The following LRBA variants were observed in gnomAD, a reference collection of about 807,000 sequenced individuals.
The protein encoded by LRBA is LPS responsive beige-like anchor protein.
In LRBA, 176 loss-of-function variants were observed where a neutral mutation model predicts 330.0. The ratio of observed to expected loss-of-function variants is 0.53; its 90% CI spans 0.47 to 0.60. The LOEUF (loss-of-function observed/expected upper bound fraction) is 0.60, where lower values mean the gene tolerates loss of function less well. Ranked by LOEUF, LRBA falls within the 20% of genes least tolerant of loss-of-function variation. The probability of loss-of-function intolerance (pLI) is 0.00; values close to 1 mark genes in which losing one functional copy is unlikely to be tolerated. For missense variants in LRBA, 3,259 were observed against 3,444.8 expected (o/e 0.95, Z 1.35); for synonymous variants, 1,230 against 1,193.0 (o/e 1.03, Z -0.64).
chr4:150,920,252 T>A (rs925614075), intron 5 of LRBA, among the ~76,000 whole-genome samples: 1 of 152,150 alleles, frequency 6.6e-6, no homozygotes, highest in Non-Finnish European at 1.5e-5. Flanking sequence ...ATATCTTTTT[T>A]AAAAGTTTGT....
intron 53 of LRBA, among the ~76,000 whole-genome samples, chr4:150,287,168 ATCT>A (rs1396797466): frequency 1.3e-5 from 2 of 152,280 alleles, no homozygotes; most frequent in African/African-American, 4.8e-5. Context: ...AATCGCTTGT[ATCT>A]TAACCCCAGA....
intron 53 of LRBA, among the ~76,000 whole-genome samples, chr4:150,292,846 T>A (rs1051379669): frequency 6.6e-6 from 1 of 152,262 alleles, no homozygotes; most frequent in South Asian, 2.1e-4. Flanking sequence ...CTGAAGTCCA[T>A]ACCACTTGTA....
chr4:150,584,160 C>T lies in LRBA; in HGVS notation c.6330+3888G>A. Reference sequence around the variant, plus strand: ...ACACAAACGGGCGTGCTCTCTCAGACACACAACTCTGCTATAAACAGCAGA... The same window carrying T: ...ACACAAACGGGCGTGCTCTCTCAGATACACAACTCTGCTATAAACAGCAGA... On this transcript the variant is annotated intron_variant, in intron 40 of 56. Coordinates refer to ENST00000651943, the MANE Select transcript of LRBA (RefSeq NM_001364905.1). 2 of 1,491,782 alleles carry T rather than the reference C, an allele frequency of 1.3e-6. 1 individual carries two copies. Among genetic ancestry groups the T allele is most frequent in the South Asian group, 2.9e-5 (2 of 68,476 alleles). The allele number at this position is 1,491,782 out of a possible 1,614,324, so 92.4% of individuals were successfully genotyped here. A position where few individuals can be genotyped will look rare whatever the true frequency, so the allele number is the denominator to read the frequency against.
At chr4:150,951,114 G>T (rs1736787037) in intron 2 of LRBA, among the ~76,000 whole-genome samples, 2 of 152,166 alleles carry the variant, frequency 1.3e-5, no homozygotes, top group African/African-American at 4.8e-5. Context: ...CCTGTTTCCA[G>T]GGTTTCCCTG....
intron 30 of LRBA, among the ~76,000 whole-genome samples, chr4:150,820,694 C>T (rs1037086779): frequency 6.6e-5 from 10 of 151,840 alleles, no homozygotes; most frequent in Admixed American, 2.6e-4. Flanking sequence ...TACAATGATC[C>T]AATTAAAAGG....
chr4:150,751,644 G>A (rs944418885), intron 35 of LRBA, among the ~76,000 whole-genome samples: 1 of 151,978 alleles, frequency 6.6e-6, no homozygotes, highest in African/African-American at 2.4e-5. Context: ...ATGTCTAAAT[G>A]CAGAGCATAA....
intron 47 of LRBA, among the ~76,000 whole-genome samples, chr4:150,401,574 A>G (rs1338943275): frequency 6.6e-6 from 1 of 152,166 alleles, no homozygotes; most frequent in Non-Finnish European, 1.5e-5. Flanking sequence ...TTACATGGCA[A>G]CTAAAAGCAG....
intron 53 of LRBA, among the ~76,000 whole-genome samples, chr4:150,289,734 TCTC>T (rs1265690881): frequency 2.0e-5 from 3 of 152,188 alleles, no homozygotes; most frequent in Admixed American, 6.5e-5. Context: ...CTTTACATTT[TCTC>T]CTCATCAAAA....
intron 40 of LRBA, among the ~76,000 whole-genome samples, chr4:150,542,231 C>T: frequency 6.6e-6 from 1 of 152,128 alleles, no homozygotes; most frequent in East Asian, 1.9e-4. Context: ...GCAGTATAAC[C>T]AATGGGTAAG....
chr4:150,467,875 C>T (rs1312741605), intron 43 of LRBA, 90 bp from the exon 44 acceptor site: 2 of 568,966 alleles, frequency 3.5e-6, no homozygotes, highest in South Asian at 2.9e-5. Flanking sequence ...TAAGATTAAA[C>T]AATTTTTGAT....
At chr4:150,482,829 T>C (rs1368319858) in intron 42 of LRBA, among the ~76,000 whole-genome samples, 1 of 152,152 alleles carries the variant, frequency 6.6e-6, no homozygotes, top group African/African-American at 2.4e-5. Context: ...ATCTATTCTT[T>C]GTTGAAGTAT....
chr4:150,416,350 C>A (rs1474626621), intron 46 of LRBA, among the ~76,000 whole-genome samples: 1 of 152,164 alleles, frequency 6.6e-6, no homozygotes, highest in African/African-American at 2.4e-5. Context: ...CCCCTCAGGG[C>A]CAGCAATGGC....
At chr4:150,318,608 CTT>C (rs1732043599) in intron 50 of LRBA, among the ~76,000 whole-genome samples, 1 of 152,126 alleles carries the variant, frequency 6.6e-6, no homozygotes, top group South Asian at 2.1e-4. Context: ...GAAGCATAGA[CTT>C]AATATAATAA....
intron 37 of LRBA, among the ~76,000 whole-genome samples, chr4:150,656,506 C>A (rs1300758849): frequency 6.6e-6 from 1 of 152,200 alleles, no homozygotes; most frequent in Non-Finnish European, 1.5e-5. Flanking sequence ...TTGGCGTAAA[C>A]TGTCTGATCT....
intron 2 of LRBA, among the ~76,000 whole-genome samples, chr4:150,995,505 G>A (rs563173708): frequency 6.6e-6 from 1 of 151,904 alleles, no homozygotes; most frequent in South Asian, 2.1e-4. Flanking sequence ...AAAAGAAACT[G>A]TAAAAAACAT....
At position 150,555,561 on chromosome 4, in the gene LRBA, C is replaced by T. The variant is rs927953855; in HGVS notation, c.6330+32487G>A. Among the ~76,000 whole-genome samples, 2 of 151,984 alleles carry T rather than the reference C, an allele frequency of 1.3e-5. 1 individual carries two copies. Among genetic ancestry groups the T allele is most frequent in the African/African-American group, 4.8e-5 (2 of 41,492 alleles). The stretch of plus-strand genomic sequence containing the variant: ...GTCAAGAGATCGAGACCATCCTGGC[C>T]AACATGGTGAAACGCCATCTCTACT... On this transcript the variant is annotated intron_variant, in intron 40 of 56. Transcript: ENST00000651943.
At chr4:150,770,072 AT>A (rs1341704829) in intron 34 of LRBA, among the ~76,000 whole-genome samples, 2 of 152,194 alleles carry the variant, frequency 1.3e-5, no homozygotes, top group Non-Finnish European at 2.9e-5. Flanking sequence ...GTGAGTCAGC[AT>A]CAATCACCCG....
At position 150,467,656 on chromosome 4, in the gene LRBA, C is replaced by A; in HGVS notation, c.6780+17G>T. On this transcript the variant is annotated intron_variant, in intron 44 of 56. Coordinates refer to ENST00000651943, the MANE Select transcript of LRBA (RefSeq NM_001364905.1). Reference sequence around the variant, plus strand: ...TATGCAAGACAATTATATTTCACATCATTACTGAGAAATTACCTTGGACAA... The same window carrying A: ...TATGCAAGACAATTATATTTCACATAATTACTGAGAAATTACCTTGGACAA... 2 of 1,364,138 alleles carry A rather than the reference C, an allele frequency of 1.5e-6. No homozygotes were observed. The highest frequency in any genetic ancestry group is 4.6e-5 in the East Asian group (2 of 43,302). The allele number at this position is 1,364,138 out of a possible 1,614,324, so 84.5% of individuals were successfully genotyped here. A position where few individuals can be genotyped will look rare whatever the true frequency, so the allele number is the denominator to read the frequency against.
At chr4:150,848,578 AAAGAT>A (rs1173092293) in intron 26 of LRBA, among the ~76,000 whole-genome samples, 29 of 149,364 alleles carry the variant, frequency 1.9e-4, no homozygotes, top group Non-Finnish European at 3.6e-4. Context: ...AAAAAAAAAA[AAAGAT>A]AGGGGAGAGT....
Sources: allele counts gnomAD v4.1 joint callset (sites outside exome capture counted in the v4.1 genomes callset), GRCh38; gene constraint gnomAD v4.1.1; transcripts MANE v1.5; gene names NCBI Gene and HGNC (gene_info 2026-07-23, HGNC 2026-07-21).